Variants in NIPA1 observed in about 807,000 individuals in gnomAD.
NIPA1 encodes magnesium transporter NIPA1.
In NIPA1, 13 loss-of-function variants were observed where a neutral mutation model predicts 23.9. The ratio of observed to expected loss-of-function variants is 0.54; its 90% confidence interval spans 0.35 to 0.87. The LOEUF (loss-of-function observed/expected upper bound fraction) is 0.87. Ranked by LOEUF, NIPA1 falls within the 40% of genes least tolerant of loss-of-function variation. NIPA1 has a pLI of 0.01. For missense variants in NIPA1, 362 were observed against 429.7 expected, an observed-to-expected ratio of 0.84 and a Z score of 1.39; for synonymous variants, 234 against 202.9, an observed-to-expected ratio of 1.15 and a Z score of -1.30.
chr15:22,796,094 A>AT (rs1269824973), intron 1 of NIPA1, among the ~76,000 whole-genome samples: 76 of 147,882 alleles, frequency 5.1e-4, no homozygotes, highest in African/African-American at 1.4e-3. Flanking sequence ...ATTTTTATAT[A>AT]TTTTTTTTTT....
chr15:22,821,773 C>T (rs1413167930), intron 4 of NIPA1, among the ~76,000 whole-genome samples: 1 of 152,194 alleles, frequency 6.6e-6, no homozygotes, highest in Non-Finnish European at 1.5e-5. Context: ...TGCATGTCCA[C>T]ACTTGCTGGT....
At chr15:22,803,075 G>A (rs967022238) in intron 1 of NIPA1, among the ~76,000 whole-genome samples, 2 of 151,996 alleles carry the variant, frequency 1.3e-5, no homozygotes, top group African/African-American at 4.8e-5. Flanking sequence ...TCCTGCCTCA[G>A]CCTCTCCAGT....
At chr15:22,803,569 C>A (rs553520449) in intron 1 of NIPA1, among the ~76,000 whole-genome samples, 1 of 120,528 alleles carries the variant, frequency 8.3e-6, no homozygotes, top group African/African-American at 3.3e-5. Context: ...AGTGCAGTGG[C>A]GTGATCTTGG....
chr15:22,818,993 G>T (rs571589052), intron 3 of NIPA1, among the ~76,000 whole-genome samples: 30 of 152,008 alleles, frequency 2.0e-4, no homozygotes, highest in African/African-American at 6.5e-4. Context: ...TGCATTTCTG[G>T]TTTCTCCTTT....
intron 1 of NIPA1, among the ~76,000 whole-genome samples, chr15:22,793,596 A>G (rs936933295): frequency 1.1e-4 from 17 of 151,738 alleles, no homozygotes; most frequent in African/African-American, 3.6e-4. Flanking sequence ...GTCCGCCACC[A>G]TGCCCGGCTA....
intron 1 of NIPA1, among the ~76,000 whole-genome samples, chr15:22,795,915 G>A (rs1184733920): frequency 6.6e-6 from 1 of 152,024 alleles, no homozygotes; most frequent in Non-Finnish European, 1.5e-5. Flanking sequence ...GGGGAAGATA[G>A]ATAAATCCAC....
intron 1 of NIPA1, among the ~76,000 whole-genome samples, chr15:22,801,146 GT>G (rs1324856161): frequency 1.3e-5 from 2 of 152,006 alleles, no homozygotes; most frequent in East Asian, 3.9e-4. Context: ...CTGTGGTTGT[GT>G]TCAGTCTGTC....
At chr15:22,799,565 G>A (rs1247317569) in intron 1 of NIPA1, among the ~76,000 whole-genome samples, 1 of 152,034 alleles carries the variant, frequency 6.6e-6, no homozygotes, top group African/African-American at 2.4e-5. Flanking sequence ...GGCAGATCAC[G>A]AGGTCAGGAG....
Position 22,829,005 on chromosome 15 carries a change from C to G in NIPA1, c.*4766C>G, listed in dbSNP as rs1895702557. 1.3e-5 allele frequency: 2 copies of G among 152,226 alleles called. No individual in the cohort carries two copies. The highest frequency in any genetic ancestry group is 4.8e-5 in the African/African-American group (2 of 41,432). The allele number at this position is 152,226 out of a possible 1,614,324, so 9.4% of individuals were successfully genotyped here. ...CAGGACCATGCTGTAGGACACACAG[C>G]CTCATGCGCTGAGAAAGCAAAGGAA... On this transcript the variant is annotated 3_prime_UTR_variant, in exon 5 of 5. Transcript: ENST00000337435.
chr15:22,788,919 T>TAAAAAAAAAAAAAAAAAAAAAAAAAAA (rs199860403), intron 1 of NIPA1, among the ~76,000 whole-genome samples: 2 of 78,794 alleles, frequency 2.5e-5, no homozygotes, highest in African/African-American at 1.0e-4. Context: ...GGCTCTGTCT[T>TAAAAAAAAAAAAAAAAAAAAAAAAAAA]AAAAAAAAAA....
chr15:22,789,219 C>A (rs184185939), intron 1 of NIPA1, among the ~76,000 whole-genome samples: 6 of 152,222 alleles, frequency 3.9e-5, no homozygotes, highest in African/African-American at 1.4e-4. Context: ...GAACTCCAGA[C>A]CTCAGGTGAT....
chr15:22,798,729 G>A (rs1459828365), intron 1 of NIPA1, among the ~76,000 whole-genome samples: 3 of 149,050 alleles, frequency 2.0e-5, no homozygotes, highest in Non-Finnish European at 4.4e-5. Context: ...CCAGCTACTC[G>A]GGAGTCTGAG....
Position 22,829,297 on chromosome 15 carries a change from C to T in NIPA1, c.*5058C>T, listed in dbSNP as rs1895708978. 1 of 152,142 alleles carries T rather than the reference C, an allele frequency of 6.6e-6. No individual in the cohort carries two copies. The highest frequency in any genetic ancestry group is 2.4e-5 in the African/African-American group (1 of 41,412). 9.4% of individuals were successfully genotyped at this position (152,142 alleles called of 1,614,324 possible). A position where few individuals can be genotyped will look rare whatever the true frequency, so the allele number is the denominator to read the frequency against. On this transcript the variant is annotated 3_prime_UTR_variant, in exon 5 of 5. Transcript: ENST00000337435. ...TAAATGACGCTGAACTTCCTGCTTC[C>T]AAGCAGCTCAACCCTGATGCTGAAC...
chr15:22,810,608 C>T (rs1421370965), intron 1 of NIPA1, 141 bp from the exon 2 acceptor site: 6 of 675,298 alleles, frequency 8.9e-6, no homozygotes, highest in Non-Finnish European at 1.6e-5. Flanking sequence ...GAAAGATTCT[C>T]TTTAGGGTGA....
chr15:22,807,902 G>T (rs1433919575), intron 1 of NIPA1, among the ~76,000 whole-genome samples: 1 of 151,580 alleles, frequency 6.6e-6, no homozygotes, highest in Non-Finnish European at 1.5e-5. Context: ...TCCTGCCTCA[G>T]CCTCCCAAAT....
chr15:22,808,192 G>A (rs561994403), intron 1 of NIPA1, among the ~76,000 whole-genome samples: 1 of 152,288 alleles, frequency 6.6e-6, no homozygotes, highest in South Asian at 2.1e-4. Context: ...TTTCACTCAA[G>A]TATTCGGCAT....
At chr15:22,787,291 G>A (rs1009119259) in intron 1 of NIPA1, among the ~76,000 whole-genome samples, 2 of 152,182 alleles carry the variant, frequency 1.3e-5, no homozygotes, top group African/African-American at 4.8e-5. Flanking sequence ...TTCAGCCGAT[G>A]CGCGGCCCGC....
At chr15:22,807,177 G>A (rs555571695) in intron 1 of NIPA1, among the ~76,000 whole-genome samples, 2 of 152,268 alleles carry the variant, frequency 1.3e-5, no homozygotes, top group Non-Finnish European at 2.9e-5. Flanking sequence ...TGCCATTCCT[G>A]TGTACCTGGT....
At chr15:22,817,662 G>A (rs1363289328) in intron 3 of NIPA1, among the ~76,000 whole-genome samples, 30 of 150,908 alleles carry the variant, frequency 2.0e-4, no homozygotes, top group East Asian at 2.0e-4. Flanking sequence ...AAAATTAGCC[G>A]GGCGTAGTGG....
Sources: allele counts gnomAD v4.1 joint callset (sites outside exome capture counted in the v4.1 genomes callset), GRCh38; gene constraint gnomAD v4.1.1; transcripts MANE v1.5; gene names NCBI Gene and HGNC (gene_info 2026-07-23, HGNC 2026-07-21).